PIGU: variants seen among roughly 807,000 people sequenced by gnomAD.
The protein encoded by PIGU is GPI-anchor transamidase component PIGU.
Under a neutral mutation model 49.9 loss-of-function variants are expected in PIGU, and 24 were observed. The observed-to-expected ratio is 0.48, with a 90% CI of 0.35 to 0.68. The LOEUF is 0.68. Among genes scored for constraint, PIGU ranks in the 30% least tolerant of loss-of-function variants. PIGU has a pLI of 0.01. For synonymous variants in PIGU, 220 were observed against 205.7 expected, an observed-to-expected ratio of 1.07 and a Z score of -0.59; for missense variants, 490 against 532.6, an observed-to-expected ratio of 0.92 and a Z score of 0.79.
chr20:34,648,390 T>C (rs1600658945), intron 2 of PIGU, among the ~76,000 whole-genome samples: 1 of 152,290 alleles, frequency 6.6e-6, no homozygotes, highest in East Asian at 1.9e-4. Flanking sequence ...CATTATAAAA[T>C]AATCCTCTTC....
intron 2 of PIGU, among the ~76,000 whole-genome samples, chr20:34,656,578 G>A (rs1015870217): frequency 2.4e-4 from 37 of 151,824 alleles, no homozygotes; most frequent in Non-Finnish European, 4.3e-4. Flanking sequence ...CACTGCACCC[G>A]GCCTGTTTTT....
In PIGU at chr20:34,560,908, C is replaced by A; in HGVS notation, c.1266G>T (p.Leu422Phe). Residue 422 changes from leucine to phenylalanine, a missense_variant, in exon 12 of 12, where the codon TTG (leucine) becomes TTT (phenylalanine). Physicochemically the swap from Leu to Phe is conservative, Grantham distance 22. Coordinates refer to ENST00000217446, the MANE Select transcript of PIGU (RefSeq NM_080476.5). ...TGGCCTCTGTGCCATCCTTGGCGGT[C>A]AAGTAGAGGCCATGTGTGAGGTAGT... ...REYYLTHGLY[L>F]TAKDGTEAML... 1 of 1,612,720 alleles carries A rather than the reference C, an allele frequency of 6.2e-7. No homozygotes were observed. The highest frequency in any genetic ancestry group is 8.5e-7 in the Non-Finnish European group (1 of 1,179,224).
chr20:34,575,483 T>TGGC (rs1271075563), intron 10 of PIGU, among the ~76,000 whole-genome samples: 1 of 152,154 alleles, frequency 6.6e-6, no homozygotes, highest in Non-Finnish European at 1.5e-5. Context: ...CACTGTGGGC[T>TGGC]TGGCTGGCTG....
intron 6 of PIGU, among the ~76,000 whole-genome samples, chr20:34,632,173 T>C (rs1985803966): frequency 6.6e-6 from 1 of 151,616 alleles, no homozygotes; most frequent in Non-Finnish European, 1.5e-5. Flanking sequence ...AAAAAAAAAC[T>C]GGGTTATATC....
chr20:34,667,152 A>G (rs1568667164), intron 1 of PIGU, among the ~76,000 whole-genome samples: 3 of 152,166 alleles, frequency 2.0e-5, no homozygotes, highest in Non-Finnish European at 2.9e-5. Context: ...AATAATTCTT[A>G]GTTACCTTGG....
chr20:34,657,219 G>C lies in PIGU; in HGVS notation c.156C>G (p.Asp52Glu). 6.2e-7 allele frequency: 1 copy of C among 1,613,004 alleles called. No individual in the cohort carries two copies. Among genetic ancestry groups the C allele is most frequent in the East Asian group, 2.2e-5 (1 of 44,882 alleles). Residue 52 changes from aspartate to glutamate, a missense_variant, in exon 2 of 12, where the codon GAC becomes GAG. Physicochemically the swap from Asp to Glu is conservative, Grantham distance 45. Transcript: ENST00000217446. Reference sequence around the variant, plus strand: ...CTCCAGAATACGGAGATACTCCCAAGTCCAACAGTGAAAGGCCTTCAACCA... The same window carrying C: ...CTCCAGAATACGGAGATACTCCCAACTCCAACAGTGAAAGGCCTTCAACCA... ...KRVVEGLSLL[D>E]LGVSPYSGAV...
At chr20:34,612,170 T>C (rs956690216) in intron 7 of PIGU, among the ~76,000 whole-genome samples, 2 of 152,176 alleles carry the variant, frequency 1.3e-5, no homozygotes, top group African/African-American at 4.8e-5. Context: ...TGGAATACTA[T>C]GCAGCCATAA....
At chr20:34,646,274 G>C (rs2146772524) in intron 2 of PIGU, among the ~76,000 whole-genome samples, 1 of 152,182 alleles carries the variant, frequency 6.6e-6, no homozygotes, top group Admixed American at 6.5e-5. Context: ...GGTAAGTTGT[G>C]TTTTTCCAGG....
At chr20:34,652,550 T>G (rs1986573885) in intron 2 of PIGU, among the ~76,000 whole-genome samples, 1 of 152,234 alleles carries the variant, frequency 6.6e-6, no homozygotes, top group Admixed American at 6.5e-5. Flanking sequence ...AGGTAGAAGC[T>G]GTGGTTATTG....
In PIGU at chr20:34,579,052, CAG is replaced by C. The variant is rs1174239931; in HGVS notation, c.1051+2494_1051+2495del. Reference sequence around the variant, plus strand: ...AAATCCAGTCCAATCAGAAGGGGAACAGGGGGGATTTGGGGACTTCAAAGGCC... The same window carrying C: ...AAATCCAGTCCAATCAGAAGGGGAACGGGGGATTTGGGGACTTCAAAGGCC... On this transcript the variant is annotated intron_variant, in intron 10 of 11. Coordinates refer to ENST00000217446, the MANE Select transcript of PIGU (RefSeq NM_080476.5). 7 of 152,292 alleles carry C rather than the reference CAG, an allele frequency of 4.6e-5. No homozygotes were observed. In the East Asian group the frequency reaches 9.6e-4, roughly 21 times the overall value. 9.4% of individuals were successfully genotyped at this position (152,292 alleles called of 1,614,324 possible).
At chr20:34,567,079 T>C (rs1568618545) in intron 11 of PIGU, among the ~76,000 whole-genome samples, 1 of 152,314 alleles carries the variant, frequency 6.6e-6, no homozygotes, top group East Asian at 1.9e-4. Flanking sequence ...CTGCTGCTGT[T>C]GGGGACACAG....
rs1412365978 is a variant in PIGU, at chr20:34,668,483, A to AAG, written c.130+8472_130+8473insCT. Among the ~76,000 whole-genome samples, 96 of 88,676 alleles carry AAG rather than the reference A, an allele frequency of 1.1e-3. 2 individuals are homozygous for AAG. Among genetic ancestry groups the AAG allele is most frequent in the African/African-American group, 3.8e-3 (68 of 17,844 alleles). The allele number at this position is 88,676 out of a possible 152,430, so 58.2% of individuals were successfully genotyped here. ...TCTCAAAAAAAAAAAAAAAAAAAAA[A>AAG]GGGGGGGGCGGGCGTGCTGGCTCAC... On this transcript the variant is annotated intron_variant, in intron 1 of 11. Transcript: ENST00000217446.
At chr20:34,636,661 G>A (rs1374518019) in intron 5 of PIGU, among the ~76,000 whole-genome samples, 2 of 152,152 alleles carry the variant, frequency 1.3e-5, no homozygotes, top group African/African-American at 2.4e-5. Context: ...CTACAAATTC[G>A]GCTCTGAGTT....
intron 7 of PIGU, among the ~76,000 whole-genome samples, chr20:34,589,398 A>C (rs111691147): frequency 0.022 from 3,397 of 152,346 alleles, 50 homozygotes; most frequent in Middle Eastern, 0.037. Context: ...TGTGTCGCCA[A>C]GGTAGAGTGC....
At chr20:34,625,013 G>A (rs554893678) in intron 6 of PIGU, among the ~76,000 whole-genome samples, 4 of 152,234 alleles carry the variant, frequency 2.6e-5, no homozygotes, top group East Asian at 1.9e-4. Context: ...TGCCCCTATC[G>A]TCTTATCAAT....
chr20:34,599,672 G>A (rs1984337795), intron 7 of PIGU, among the ~76,000 whole-genome samples: 1 of 152,044 alleles, frequency 6.6e-6, no homozygotes, highest in Non-Finnish European at 1.5e-5. Context: ...ACTATCAGAT[G>A]GTCTATGAAG....
chr20:34,573,249 G>C (rs1047851015), intron 11 of PIGU, among the ~76,000 whole-genome samples: 2 of 150,364 alleles, frequency 1.3e-5, no homozygotes, highest in Non-Finnish European at 3.0e-5. Flanking sequence ...AAGAGATTAA[G>C]AAAAAAAAAG....
At chr20:34,659,224 G>A (rs1192932882) in intron 1 of PIGU, among the ~76,000 whole-genome samples, 9 of 143,222 alleles carry the variant, frequency 6.3e-5, no homozygotes, top group Middle Eastern at 4.1e-3. Context: ...CCCCCCGCCC[G>A]GCCAGCCGCC....
At position 34,560,731 on chromosome 20, in the gene PIGU, A is replaced by G; in HGVS notation, c.*135T>C. 2 of 593,908 alleles carry G rather than the reference A, an allele frequency of 3.4e-6. No individual in the cohort carries two copies. Among genetic ancestry groups the G allele is most frequent in the Non-Finnish European group, 5.6e-6 (2 of 359,328 alleles). The allele number at this position is 593,908 out of a possible 1,614,324, so 36.8% of individuals were successfully genotyped here. ...CAGTCAGCCATGGGTCCCTTTTGGTACCAGAGACTTGTGACCCTGGACTCG... is the reference window on the plus strand; with the variant it reads ...CAGTCAGCCATGGGTCCCTTTTGGTGCCAGAGACTTGTGACCCTGGACTCG... On this transcript the variant is annotated 3_prime_UTR_variant, in exon 12 of 12. Transcript: ENST00000217446.
Sources: allele counts gnomAD v4.1 joint callset (sites outside exome capture counted in the v4.1 genomes callset), GRCh38; gene constraint gnomAD v4.1.1; transcripts MANE v1.5; gene names NCBI Gene and HGNC (gene_info 2026-07-23, HGNC 2026-07-21).